LPP: variants seen among roughly 807,000 people sequenced by gnomAD.
The protein encoded by LPP is LIM domain containing preferred translocation partner in lipoma, also known as lipoma-preferred partner.
In LPP, 38 loss-of-function variants were observed where a neutral mutation model predicts 60.4. The ratio of observed to expected loss-of-function variants is 0.63; its 90% CI spans 0.49 to 0.83. LPP has a LOEUF of 0.83. Ranked by LOEUF, LPP falls within the 40% of genes least tolerant of loss-of-function variation. The pLI, the probability that LPP is intolerant of heterozygous loss-of-function variation, is 0.00. For missense variants in LPP, 902 were observed against 783.6 expected, an observed-to-expected ratio of 1.15 and a Z score of -1.80; for synonymous variants, 328 against 290.8, an observed-to-expected ratio of 1.13 and a Z score of -1.30.
At chr3:188,744,092 G>A (rs1196029526) in intron 8 of LPP, among the ~76,000 whole-genome samples, 5 of 151,992 alleles carry the variant, frequency 3.3e-5, no homozygotes, top group Non-Finnish European at 5.9e-5. Flanking sequence ...ATAACCATAC[G>A]CACAAACATA....
chr3:188,627,952 C>T (rs1376409601), intron 7 of LPP, among the ~76,000 whole-genome samples: 1 of 152,008 alleles, frequency 6.6e-6, no homozygotes, highest in Non-Finnish European at 1.5e-5. Flanking sequence ...TAAATCAATA[C>T]TAAGATCTCT....
At chr3:188,691,060 G>C (rs1862020284) in intron 7 of LPP, among the ~76,000 whole-genome samples, 1 of 152,118 alleles carries the variant, frequency 6.6e-6, no homozygotes, top group African/African-American at 2.4e-5. Context: ...ACTGTGTCAT[G>C]ACTATTTTGC....
At chr3:188,397,130 C>T (rs1578593778) in intron 3 of LPP, among the ~76,000 whole-genome samples, 1 of 152,096 alleles carries the variant, frequency 6.6e-6, no homozygotes, top group Non-Finnish European at 1.5e-5. Context: ...TTTTACCTAC[C>T]CCATCTAGTT....
intron 4 of LPP, among the ~76,000 whole-genome samples, chr3:188,434,248 C>T (rs1394935364): frequency 6.6e-6 from 1 of 151,988 alleles, no homozygotes; most frequent in East Asian, 1.9e-4. Flanking sequence ...TATATATGTA[C>T]ATGTCAATGT....
chr3:188,773,342 A>G (rs1736703968), intron 9 of LPP, among the ~76,000 whole-genome samples: 1 of 146,808 alleles, frequency 6.8e-6, no homozygotes, highest in Non-Finnish European at 1.5e-5. Flanking sequence ...AGGGCCTGGT[A>G]TTATGTAGGT....
chr3:188,760,247 G>A lies in LPP; in HGVS notation c.1375G>A (p.Val459Met), dbSNP rs1731742090. 6.2e-7 allele frequency: 1 copy of A among 1,614,050 alleles called. No individual in the cohort carries two copies. Among genetic ancestry groups the A allele is most frequent in the Admixed American group, 1.7e-5 (1 of 59,992 alleles). ...NKLRGQPFYA[V>M]EKKAYCEPCY... is the part of the protein sequence containing the mutation. Reference sequence around the variant, plus strand: ...GCTCCGAGGGCAGCCATTCTATGCTGTGGAAAAGAAAGCATACTGCGAGCC... The same window carrying A: ...GCTCCGAGGGCAGCCATTCTATGCTATGGAAAAGAAAGCATACTGCGAGCC... Residue 459 changes from valine (V) to methionine (M), a missense_variant, in exon 9 of 12, where the codon GTG becomes ATG. Transcript: ENST00000617246.
At chr3:188,161,786 G>T (rs1004751804) in intron 1 of LPP, among the ~76,000 whole-genome samples, 14 of 152,174 alleles carry the variant, frequency 9.2e-5, no homozygotes, top group Non-Finnish European at 1.9e-4. Context: ...ATGTAACTTG[G>T]AAATTATGGT....
chr3:188,278,683 A>G (rs774785071), intron 2 of LPP, among the ~76,000 whole-genome samples: 7 of 152,054 alleles, frequency 4.6e-5, no homozygotes, highest in Non-Finnish European at 8.8e-5. Context: ...AGACTATATA[A>G]CCATGGCTCT....
intron 1 of LPP, among the ~76,000 whole-genome samples, chr3:188,177,881 G>A (rs748130963): frequency 1.3e-5 from 2 of 152,198 alleles, no homozygotes; most frequent in Non-Finnish European, 2.9e-5. Context: ...GTTGCTGCCC[G>A]AGGTGGGACA....
At chr3:188,373,760 T>C (rs1560314922) in intron 3 of LPP, among the ~76,000 whole-genome samples, 1 of 152,110 alleles carries the variant, frequency 6.6e-6, no homozygotes, top group Non-Finnish European at 1.5e-5. Context: ...GCTTTTGGTG[T>C]TTTAGACATG....
chr3:188,163,357 C>T (rs1251447271), intron 1 of LPP, among the ~76,000 whole-genome samples: 1 of 152,120 alleles, frequency 6.6e-6, no homozygotes, highest in African/African-American at 2.4e-5. Context: ...ATGCTTTGAC[C>T]TGCCTCCAGC....
At chr3:188,814,246 G>A (rs541652233) in intron 9 of LPP, among the ~76,000 whole-genome samples, 14 of 152,214 alleles carry the variant, frequency 9.2e-5, no homozygotes, top group Middle Eastern at 3.4e-3. Flanking sequence ...AGACAAGAAG[G>A]TTGCCCTAAA....
intron 6 of LPP, among the ~76,000 whole-genome samples, chr3:188,598,484 T>G (rs186423013): frequency 2.7e-4 from 41 of 152,192 alleles, no homozygotes; most frequent in Non-Finnish European, 5.4e-4. Context: ...TAGAGAGAAT[T>G]AACAAGCTTT....
rs771513027 is a variant in LPP at position 188,760,125 on chromosome 3, G to A, written c.1253G>A (p.Arg418His). ...CTTTTTTTTCCAGGCCGCTGTGCTC[G>A]CTGTGGAGAAAACGTAGTTGGGGAA... is the stretch of plus-strand genomic sequence containing the variant. ...PADEYFGRCA[R>H]CGENVVGEGT... The change falls in exon 9 of 12, where the codon CGC (arginine) becomes CAC (histidine). Residue 418 changes from arginine (R) to histidine (H), a missense_variant. Arg to His is a conservative substitution (Grantham distance 29). Coordinates refer to ENST00000617246, the MANE Select transcript of LPP (RefSeq NM_001375462.1). The A allele has an allele frequency of 4.8e-5, 78 of 1,613,808 alleles. No homozygotes were observed. The highest frequency in any genetic ancestry group is 6.4e-5 in the Non-Finnish European group (75 of 1,179,978).
At chr3:188,429,832 T>C (rs1439781407) in intron 4 of LPP, among the ~76,000 whole-genome samples, 2 of 152,158 alleles carry the variant, frequency 1.3e-5, no homozygotes, top group African/African-American at 4.8e-5. Flanking sequence ...AGAAAGGGAA[T>C]GGTAAGGTTC....
At chr3:188,373,417 T>C (rs1303632087) in intron 3 of LPP, among the ~76,000 whole-genome samples, 2 of 152,250 alleles carry the variant, frequency 1.3e-5, no homozygotes, top group African/African-American at 4.8e-5. Context: ...TGTGAGATGG[T>C]ATCTCATTGT....
chr3:188,509,534 TC>T (rs1319669277), intron 5 of LPP, among the ~76,000 whole-genome samples: 2 of 151,974 alleles, frequency 1.3e-5, no homozygotes, highest in Non-Finnish European at 2.9e-5. Flanking sequence ...AGTGGACCCG[TC>T]CCATAAAGAA....
intron 1 of LPP, among the ~76,000 whole-genome samples, chr3:188,156,848 C>T (rs989426731): frequency 1.3e-5 from 2 of 149,008 alleles, no homozygotes; most frequent in African/African-American, 5.1e-5. Flanking sequence ...TCTGCTGCGC[C>T]CCACCCCCCC....
Position 188,609,043 on chromosome 3 carries a change from T to C in LPP, c.430-118T>C. On this transcript the variant is annotated intron_variant, in intron 6 of 11. Coordinates refer to ENST00000617246, the MANE Select transcript of LPP (RefSeq NM_001375462.1). The surrounding 1 kb of genome is among the most constrained non-coding windows in gnomAD (Gnocchi z 6.9). The stretch of plus-strand genomic sequence containing the variant: ...GCAAGATTATGCCTTATTTGTGTTC[T>C]ACATAGTAATAAATAATAATTAGCA... 1 of 790,344 alleles carries C rather than the reference T, an allele frequency of 1.3e-6. No individual in the cohort carries two copies. Among genetic ancestry groups the C allele is most frequent in the Non-Finnish European group, 2.0e-6 (1 of 502,804 alleles). 49.0% of individuals were successfully genotyped at this position (790,344 alleles called of 1,614,324 possible).
Sources: gnomAD v4.1 joint callset for allele counts (sites outside exome capture counted in the v4.1 genomes callset) on GRCh38, gnomAD v4.1.1 for gene constraint, Gnocchi (gnomAD v3.1) non-coding constraint, MANE v1.5 for transcripts, NCBI Gene and HGNC (gene_info 2026-07-23, HGNC 2026-07-21) for gene names.